UBN2: variants seen among roughly 807,000 people sequenced by gnomAD.
The protein encoded by UBN2 is ubinuclein-2.
A neutral mutation model predicts 120.2 loss-of-function variants in UBN2; 35 were observed. The observed-to-expected ratio is 0.29, with a 90% confidence interval of 0.22 to 0.39. UBN2 has a LOEUF of 0.39. Ranked by LOEUF, UBN2 falls within the 10% of genes least tolerant of loss-of-function variation. The probability of loss-of-function intolerance (pLI) is 1.00; values close to 1 mark genes in which losing one functional copy is unlikely to be tolerated. For synonymous variants in UBN2, 661 were observed against 648.7 expected, an observed-to-expected ratio of 1.02 and a Z score of -0.29; for missense variants, 1,693 against 1,663.2, an observed-to-expected ratio of 1.02 and a Z score of -0.31.
intron 2 of UBN2, 133 bp from the exon 3 acceptor site, chr7:139,251,823 G>A (rs890051270): frequency 1.9e-5 from 13 of 683,926 alleles, no homozygotes; most frequent in Non-Finnish European, 7.8e-6. Context: ...TGCATTCAAG[G>A]TGTGGGAGGA....
intron 2 of UBN2, among the ~76,000 whole-genome samples, chr7:139,251,547 A>G (rs954415898): frequency 2.0e-5 from 3 of 152,280 alleles, no homozygotes; most frequent in South Asian, 4.2e-4. Context: ...GAAGGTGGTC[A>G]CTCATTTCAT....
chr7:139,286,197 G>C (rs1369064332), intron 15 of UBN2, among the ~76,000 whole-genome samples: 2 of 152,098 alleles, frequency 1.3e-5, no homozygotes, highest in Non-Finnish European at 2.9e-5. Context: ...CAAAGTGCTG[G>C]GCTTACAGGC....
chr7:139,269,759 A>G (rs1295111189), intron 8 of UBN2, among the ~76,000 whole-genome samples: 1 of 152,206 alleles, frequency 6.6e-6, no homozygotes, highest in Non-Finnish European at 1.5e-5. Flanking sequence ...GTAAGTTAAT[A>G]TAGTAGGTAT....
At chr7:139,248,321 A>C (rs1796528998) in intron 2 of UBN2, among the ~76,000 whole-genome samples, 1 of 152,186 alleles carries the variant, frequency 6.6e-6, no homozygotes, top group African/African-American at 2.4e-5. Flanking sequence ...ATGTAAGAGT[A>C]TTGCAAAGTC....
At chr7:139,244,557 T>TA (rs1417739951) in intron 2 of UBN2, among the ~76,000 whole-genome samples, 1 of 152,144 alleles carries the variant, frequency 6.6e-6, no homozygotes, top group East Asian at 1.9e-4. Flanking sequence ...TTCCTTTTAT[T>TA]AAAAACAAAT....
downstream of UBN2, among the ~76,000 whole-genome samples, chr7:139,311,485 A>G (rs1798446125): frequency 6.6e-6 from 1 of 152,222 alleles, no homozygotes; most frequent in Admixed American, 6.5e-5. Context: ...ACTCTAGACA[A>G]GACGCTTTCC....
chr7:139,237,191 C>T (rs1796187532), intron 2 of UBN2, 94 bp downstream of exon 2: 1 of 742,358 alleles, frequency 1.3e-6, no homozygotes, highest in Non-Finnish European at 2.2e-6. Context: ...TATCCGTTGC[C>T]TGCCTTACTT....
intron 2 of UBN2, among the ~76,000 whole-genome samples, chr7:139,250,526 G>C (rs775072198): frequency 6.6e-6 from 1 of 150,680 alleles, no homozygotes; most frequent in Non-Finnish European, 1.5e-5. Context: ...GAGGCACTGC[G>C]TCCGGCCCAG....
chr7:139,251,881 C>A, intron 2 of UBN2, 75 bp from the exon 3 acceptor site: 2 of 1,414,932 alleles, frequency 1.4e-6, no homozygotes, highest in East Asian at 2.3e-5. Context: ...TATTTGAATT[C>A]TTCTAACAGG....
rs1397149879 is a variant in UBN2 at position 139,269,512 on chromosome 7, C to T, written c.1585C>T (p.Leu529Phe). 5 of 1,614,018 alleles carry T rather than the reference C, an allele frequency of 3.1e-6. No homozygotes were observed. The highest frequency in any genetic ancestry group is 4.2e-6 in the Non-Finnish European group (5 of 1,179,972). ...AGTAAAACGTCTGAAGAAGTTACAT[C>T]TCAATGTCCAGGTAAGAGGAAGAAC... ...TLVKRLKKLH[L>F]NVQDDRLREP... is the part of the protein sequence containing the mutation. Residue 529 changes from leucine (L) to phenylalanine (F), a missense_variant, in exon 8 of 18, where the codon CTC (leucine) becomes TTC (phenylalanine). This residue lies in a region of UBN2 where 178 missense variants were observed against 204.0 expected (regional missense o/e 0.87). Transcript: ENST00000473989.
At chr7:139,279,550 G>A (rs1797542206) in intron 13 of UBN2, among the ~76,000 whole-genome samples, 190 bp downstream of exon 13, 1 of 152,182 alleles carries the variant, frequency 6.6e-6, no homozygotes, top group East Asian at 1.9e-4. Context: ...TGGGGAATAT[G>A]CATACACCAA....
Position 139,269,514 on chromosome 7 carries a change from C to CA in UBN2, c.1589dup (p.Asn530LysfsTer5). 1.2e-6 allele frequency: 2 copies of CA among 1,613,972 alleles called. No individual in the cohort carries two copies. Among genetic ancestry groups the CA allele is most frequent in the Non-Finnish European group, 1.7e-6 (2 of 1,179,976 alleles). On this transcript the variant is annotated frameshift_variant, in exon 8 of 18. Coordinates refer to ENST00000473989, the MANE Select transcript of UBN2 (RefSeq NM_173569.4). LOFTEE classifies it high-confidence loss of function. ...TAAAACGTCTGAAGAAGTTACATCT[C>CA]AATGTCCAGGTAAGAGGAAGAACAA...
intron 1 of UBN2, 41 bp downstream of exon 1, chr7:139,231,993 C>T (rs1218466400): frequency 2.6e-6 from 4 of 1,557,828 alleles, no homozygotes; most frequent in Non-Finnish European, 2.6e-6. Context: ...CCCCGGGAGC[C>T]TCAGGACCCG....
chr7:139,318,728 G>A, the UBN2 span, among the ~76,000 whole-genome samples: 1 of 152,180 alleles, frequency 6.6e-6, no homozygotes, highest in African/African-American at 2.4e-5. Context: ...CTTCTAGAGA[G>A]GACTTGATTT....
intron 2 of UBN2, among the ~76,000 whole-genome samples, chr7:139,240,954 G>A (rs986772302): frequency 2.0e-5 from 3 of 152,130 alleles, no homozygotes; most frequent in African/African-American, 4.8e-5. Context: ...CTCCAGATTC[G>A]TCTTGATGGT....
rs1026806895 is a variant in UBN2, at chr7:139,303,405, C to T, written c.*5569C>T. 1 of 152,150 alleles carries T rather than the reference C, an allele frequency of 6.6e-6. No individual in the cohort carries two copies. The highest frequency in any genetic ancestry group is 1.5e-5 in the Non-Finnish European group (1 of 68,030). 9.4% of individuals were successfully genotyped at this position (152,150 alleles called of 1,614,324 possible). ...GTAAGTGCCCCCCTTTCAATACATT[C>T]TAATTGGGAAGAAGAAGAGACTAGT... On this transcript the variant is annotated 3_prime_UTR_variant, in exon 18 of 18. Transcript: ENST00000473989.
At chr7:139,245,825 G>C (rs934665199) in intron 2 of UBN2, among the ~76,000 whole-genome samples, 1 of 152,172 alleles carries the variant, frequency 6.6e-6, no homozygotes, top group Admixed American at 6.5e-5. Flanking sequence ...GAAAGCACAA[G>C]GAACAGTAAG....
At position 139,301,825 on chromosome 7, in the gene UBN2, T is replaced by C. The variant is rs1273224338; in HGVS notation, c.*3989T>C. Reference sequence around the variant, plus strand: ...CACTGTAATTCTGCTGACCTAATGTTCTCAAAAGAGGCACTTTTACTTTCT... The same window carrying C: ...CACTGTAATTCTGCTGACCTAATGTCCTCAAAAGAGGCACTTTTACTTTCT... On this transcript the variant is annotated 3_prime_UTR_variant, in exon 18 of 18. Transcript: ENST00000473989. The C allele has an allele frequency of 6.6e-6, 1 of 152,220 alleles. No individual in the cohort carries two copies. The highest frequency in any genetic ancestry group is 1.5e-5 in the Non-Finnish European group (1 of 68,034). 9.4% of individuals were successfully genotyped at this position (152,220 alleles called of 1,614,324 possible).
At chr7:139,265,485 A>G (rs1239563421) in intron 6 of UBN2, among the ~76,000 whole-genome samples, 2 of 152,144 alleles carry the variant, frequency 1.3e-5, no homozygotes, top group Non-Finnish European at 1.5e-5. Context: ...CTCAAAAAAA[A>G]AGAAATTTCT....
Sources: gnomAD v4.1 joint callset for allele counts (sites outside exome capture counted in the v4.1 genomes callset) on GRCh38, gnomAD v4.1.1 for gene constraint, gnomAD v4.1.1 regional missense constraint, MANE v1.5 for transcripts, NCBI Gene and HGNC (gene_info 2026-07-23, HGNC 2026-07-21) for gene names.